ZNF469: variants seen among roughly 807,000 people sequenced by gnomAD.
The protein encoded by ZNF469 is zinc finger protein 469.
Under a neutral mutation model 1.0 loss-of-function variants are expected in ZNF469, and 1 was observed. The observed-to-expected ratio is 1.00, with a 90% confidence interval of 0.35 to 4.73. ZNF469 has a LOEUF of 4.73. Ranked by LOEUF, ZNF469 falls within the 30% of genes most tolerant of loss-of-function variation. ZNF469 has a pLI of 0.16. For missense variants in ZNF469, 6,100 were observed against 5,356.3 expected, an observed-to-expected ratio of 1.14 and a Z score of -4.33; for synonymous variants, 2,703 against 2,363.4, an observed-to-expected ratio of 1.14 and a Z score of -4.17.
chr16:88,155,863 C>T, the ZNF469 span, among the ~76,000 whole-genome samples: 1 of 152,192 alleles, frequency 6.6e-6, no homozygotes, highest in Admixed American at 6.5e-5. Context: ...ATGACGTTCC[C>T]ACTAGCAGTG....
At chr16:88,149,751 C>T in the ZNF469 span, among the ~76,000 whole-genome samples, 1 of 152,178 alleles carries the variant, frequency 6.6e-6, no homozygotes, top group African/African-American at 2.4e-5. Context: ...CAGCTTTACC[C>T]CTGACACGTG....
At chr16:88,399,539 C>T (rs1904794981) in intron 1 of ZNF469, among the ~76,000 whole-genome samples, 1 of 152,140 alleles carries the variant, frequency 6.6e-6, no homozygotes, top group South Asian at 2.1e-4. Flanking sequence ...GACAGAGCCA[C>T]CTTCATGGGA....
chr16:88,342,900 C>A, the ZNF469 span, among the ~76,000 whole-genome samples: 1 of 152,252 alleles, frequency 6.6e-6, no homozygotes, highest in Non-Finnish European at 1.5e-5. Flanking sequence ...TGGTGGGTCC[C>A]TGTGGGAGGT....
the ZNF469 span, among the ~76,000 whole-genome samples, chr16:88,348,069 G>C: frequency 1.3e-5 from 2 of 152,270 alleles, no homozygotes; most frequent in African/African-American, 2.4e-5. Context: ...GCCAGGGACA[G>C]CAGCGGGTCG....
At chr16:88,104,577 C>T in the ZNF469 span, among the ~76,000 whole-genome samples, 1 of 152,272 alleles carries the variant, frequency 6.6e-6, no homozygotes, top group African/African-American at 2.4e-5. Flanking sequence ...GTGGGTCACG[C>T]AACGCGTGGC....
the ZNF469 span, among the ~76,000 whole-genome samples, chr16:88,350,284 G>A: frequency 6.6e-6 from 1 of 152,222 alleles, no homozygotes; most frequent in Non-Finnish European, 1.5e-5. Context: ...CCCCCCGTCC[G>A]CTCCCCTCCC....
the ZNF469 span, among the ~76,000 whole-genome samples, chr16:88,208,248 G>A: frequency 6.6e-6 from 1 of 151,796 alleles, no homozygotes; most frequent in Admixed American, 6.6e-5. Flanking sequence ...CTTTGCAGCA[G>A]GAAGAGATAT....
chr16:88,137,026 A>C, the ZNF469 span, among the ~76,000 whole-genome samples: 12 of 152,246 alleles, frequency 7.9e-5, no homozygotes, highest in Admixed American at 7.8e-4. Context: ...CCATGTGTGC[A>C]TACAACCATG....
At chr16:88,206,217 G>A in the ZNF469 span, among the ~76,000 whole-genome samples, 1 of 152,184 alleles carries the variant, frequency 6.6e-6, no homozygotes, top group African/African-American at 2.4e-5. Flanking sequence ...CAGCAGCGCC[G>A]GAGGCGGAAG....
At chr16:88,135,076 G>A in the ZNF469 span, among the ~76,000 whole-genome samples, 14 of 152,212 alleles carry the variant, frequency 9.2e-5, no homozygotes, top group Non-Finnish European at 1.3e-4. Flanking sequence ...GCGAGGCCCC[G>A]GGCAGAAGGG....
At position 88,436,837 on chromosome 16, in the gene ZNF469, C is replaced by T. The variant is rs902647292; in HGVS notation, c.9367C>T (p.Arg3123Cys). The T allele has an allele frequency of 1.2e-5, 18 of 1,534,636 alleles. No homozygotes were observed. Among genetic ancestry groups the T allele is most frequent in the Non-Finnish European group, 1.4e-5 (16 of 1,144,320 alleles). The change falls in exon 3 of 3, where the codon CGC becomes TGC. Residue 3123 changes from arginine to cysteine, a missense_variant. Transcript: ENST00000565624. ...ASYKCKVCFQ[R>C]FRSLGELDLH... ...CTACAAGTGCAAAGTGTGCTTCCAG[C>T]GCTTCCGCAGCCTGGGCGAGCTGGA...
At chr16:88,142,999 C>T in the ZNF469 span, among the ~76,000 whole-genome samples, 1 of 152,156 alleles carries the variant, frequency 6.6e-6, no homozygotes, top group Non-Finnish European at 1.5e-5. Context: ...GTTTCTCTGC[C>T]TGAAAACTGG....
rs968886725 is a variant in ZNF469 at position 88,430,408 on chromosome 16, C to T, written c.2938C>T (p.Pro980Ser). 9 of 1,520,580 alleles carry T rather than the reference C, an allele frequency of 5.9e-6. No individual in the cohort carries two copies. The highest frequency in any genetic ancestry group is 4.1e-5 in the African/African-American group (3 of 72,312). The allele number at this position is 1,520,580 out of a possible 1,614,324, so 94.2% of individuals were successfully genotyped here. Reference protein sequence around the residue: ...GGGGRASGLRPRRNDGLGERP... With the variant: ...GGGGRASGLRSRRNDGLGERP... ...CGGCGGCAGAGCCTCCGGCCTGAGG[C>T]CCCGGAGGAACGACGGTCTCGGGGA... is the stretch of plus-strand genomic sequence containing the variant. The change falls in exon 3 of 3, where the codon CCC (proline) becomes TCC (serine). Residue 980 changes from proline to serine, a missense_variant. By Grantham distance (74) the Pro-to-Ser change is moderately conservative. Transcript: ENST00000565624.
the ZNF469 span, among the ~76,000 whole-genome samples, chr16:88,111,407 T>C: frequency 6.6e-6 from 1 of 152,100 alleles, no homozygotes; most frequent in African/African-American, 2.4e-5. Context: ...AAGCCAGTGA[T>C]TTTATTTTAG....
chr16:88,239,781 C>G, the ZNF469 span, among the ~76,000 whole-genome samples: 1 of 136,790 alleles, frequency 7.3e-6, no homozygotes, highest in African/African-American at 2.7e-5. Context: ...AGGATGGTCT[C>G]CATCTCCTGA....
the ZNF469 span, among the ~76,000 whole-genome samples, chr16:88,286,070 G>A: frequency 2.0e-5 from 3 of 152,316 alleles, no homozygotes; most frequent in South Asian, 2.1e-4. Context: ...CAGCCCACTC[G>A]GTGCCTCCAT....
the ZNF469 span, among the ~76,000 whole-genome samples, chr16:88,179,883 A>G: frequency 6.6e-6 from 1 of 152,262 alleles, no homozygotes; most frequent in Admixed American, 6.5e-5. Flanking sequence ...GGGAGGAAGT[A>G]CAGGCCTTGC....
the ZNF469 span, among the ~76,000 whole-genome samples, chr16:88,129,640 GC>G: frequency 6.6e-6 from 1 of 152,132 alleles, no homozygotes; most frequent in Non-Finnish European, 1.5e-5. Context: ...GATTACTTGA[GC>G]CCAAGATTTT....
the ZNF469 span, among the ~76,000 whole-genome samples, chr16:88,299,582 G>A: frequency 0.013 from 1,982 of 152,304 alleles, 37 homozygotes; most frequent in African/African-American, 0.045. Context: ...TGAACCCAGG[G>A]AAGCTTTGCC....
Sources: gnomAD v4.1 joint callset for allele counts (sites outside exome capture counted in the v4.1 genomes callset) on GRCh38, gnomAD v4.1.1 for gene constraint, MANE v1.5 for transcripts, NCBI Gene and HGNC (gene_info 2026-07-23, HGNC 2026-07-21) for gene names.